Variants in FSTL1 observed in about 807,000 individuals in gnomAD.
FSTL1 encodes follistatin like 1, also known as follistatin-related protein 1.
A neutral mutation model predicts 45.9 loss-of-function variants in FSTL1; 24 were observed. The observed-to-expected ratio is 0.52, with a 90% CI of 0.38 to 0.74. The LOEUF (loss-of-function observed/expected upper bound fraction) is 0.74. Ranked by LOEUF, FSTL1 falls within the 30% of genes least tolerant of loss-of-function variation. FSTL1 has a pLI of 0.00. For missense variants in FSTL1, 340 were observed against 381.8 expected, an observed-to-expected ratio of 0.89 and a Z score of 0.91; for synonymous variants, 120 against 137.6, an observed-to-expected ratio of 0.87 and a Z score of 0.89.
rs150137558 is a variant in FSTL1 at position 120,394,569 on chromosome 3, A to G, written c.*2383T>C. 5 of 152,356 alleles carry G rather than the reference A, an allele frequency of 3.3e-5. No homozygotes were observed. The highest frequency in any genetic ancestry group is 1.2e-4 in the African/African-American group (5 of 41,586). 9.4% of individuals were successfully genotyped at this position (152,356 alleles called of 1,614,324 possible). A position where few individuals can be genotyped will look rare whatever the true frequency, so the allele number is the denominator to read the frequency against. Reference sequence around the variant, plus strand: ...GGCATGTGGGAATGTTTCCATGGACACTGGATCTTAACAGATGCTATAGTG... The same window carrying G: ...GGCATGTGGGAATGTTTCCATGGACGCTGGATCTTAACAGATGCTATAGTG... On this transcript the variant is annotated 3_prime_UTR_variant, in exon 11 of 11. Transcript: ENST00000295633.
At chr3:120,449,344 T>C (rs1431257252) in intron 2 of FSTL1, among the ~76,000 whole-genome samples, 1 of 152,172 alleles carries the variant, frequency 6.6e-6, no homozygotes, top group East Asian at 1.9e-4. Flanking sequence ...TAAACAAAAA[T>C]GTACTTGGTA....
At chr3:120,430,425 A>C (rs1360505047) in intron 2 of FSTL1, among the ~76,000 whole-genome samples, 1 of 152,180 alleles carries the variant, frequency 6.6e-6, no homozygotes, top group Non-Finnish European at 1.5e-5. Context: ...GGAACTTCTC[A>C]AGATTTCTGG....
intron 2 of FSTL1, among the ~76,000 whole-genome samples, chr3:120,422,933 G>C (rs1215430411): frequency 6.6e-6 from 1 of 152,214 alleles, no homozygotes; most frequent in East Asian, 1.9e-4. Context: ...GATTGCAAGT[G>C]ATCCACCTGC....
chr3:120,399,172 C>A (rs1469361533), intron 10 of FSTL1, among the ~76,000 whole-genome samples: 3 of 152,112 alleles, frequency 2.0e-5, no homozygotes, highest in Non-Finnish European at 4.4e-5. Context: ...ATGGAAGGTG[C>A]AATATCCTGT....
At position 120,403,332 on chromosome 3, in the gene FSTL1, T is replaced by C; in HGVS notation, c.604A>G (p.Ile202Val). Residue 202 changes from isoleucine to valine, a missense_variant, in exon 8 of 11, where the codon ATT (isoleucine) becomes GTT (valine). By Grantham distance (29) the Ile-to-Val change is conservative. Transcript: ENST00000295633. Reference protein sequence around the residue: ...LLRGLCVDALIELSDENADWK... With the variant: ...LLRGLCVDALVELSDENADWK... ...TCAGCATTTTCATCAGACAGTTCAA[T>C]GAGAGCATCAACACAGAGTCCCCTG... The C allele has an allele frequency of 2.5e-6, 4 of 1,608,376 alleles. No individual in the cohort carries two copies. Among genetic ancestry groups the C allele is most frequent in the Non-Finnish European group, 3.4e-6 (4 of 1,174,724 alleles).
At chr3:120,435,435 C>T (rs1008842781) in intron 2 of FSTL1, among the ~76,000 whole-genome samples, 10 of 152,256 alleles carry the variant, frequency 6.6e-5, no homozygotes, top group African/African-American at 2.4e-4. Flanking sequence ...TTTCCTCCTC[C>T]TTATTTGTTC....
intron 3 of FSTL1, among the ~76,000 whole-genome samples, chr3:120,415,636 G>GA (rs1352043340): frequency 6.6e-6 from 1 of 152,138 alleles, no homozygotes; most frequent in African/African-American, 2.4e-5. Context: ...GGTTATGGGG[G>GA]AAGATTATAA....
rs567760375 is a variant in FSTL1 at position 120,400,035 on chromosome 3, G to A, written c.806-76C>T. Reference sequence around the variant, plus strand: ...AGGAATCCGCCAAGATCTACCTAGAGGCTCTCAATTCATCTCCCATTTAAC... The same window carrying A: ...AGGAATCCGCCAAGATCTACCTAGAAGCTCTCAATTCATCTCCCATTTAAC... On this transcript the variant is annotated intron_variant, in intron 9 of 10. Transcript: ENST00000295633. 12 of 928,056 alleles carry A rather than the reference G, an allele frequency of 1.3e-5. 1 individual carries two copies. The highest frequency in any genetic ancestry group is 9.8e-5 in the South Asian group (7 of 71,464). 57.5% of individuals were successfully genotyped at this position (928,056 alleles called of 1,614,324 possible). A position where few individuals can be genotyped will look rare whatever the true frequency, so the allele number is the denominator to read the frequency against.
rs1937873777 is a variant in FSTL1 at position 120,450,663 on chromosome 3, AC to A, written c.63+20del. On this transcript the variant is annotated intron_variant, in intron 2 of 10. Coordinates refer to ENST00000295633, the MANE Select transcript of FSTL1 (RefSeq NM_007085.5). ...AAGAGGCCCCGGGGACCGAGTTCGGACTCCTCGGCCCCTCGCCTACCTCGGC... is the reference window on the plus strand; with the variant it reads ...AAGAGGCCCCGGGGACCGAGTTCGGATCCTCGGCCCCTCGCCTACCTCGGC... The A allele has an allele frequency of 7.1e-7, 1 of 1,405,336 alleles. No homozygotes were observed. The highest frequency in any genetic ancestry group is 2.2e-5 in the Admixed American group (1 of 44,450). The allele number at this position is 1,405,336 out of a possible 1,614,324, so 87.1% of individuals were successfully genotyped here. A position where few individuals can be genotyped will look rare whatever the true frequency, so the allele number is the denominator to read the frequency against.
rs2107646978 is a variant in FSTL1 at position 120,396,209 on chromosome 3, A to C, written c.*743T>G. 1 of 151,406 alleles carries C rather than the reference A, an allele frequency of 6.6e-6. No individual in the cohort carries two copies. Among genetic ancestry groups the C allele is most frequent in the Middle Eastern group, 3.4e-3 (1 of 294 alleles). The allele number at this position is 151,406 out of a possible 1,614,324, so 9.4% of individuals were successfully genotyped here. Reference sequence around the variant, plus strand: ...AAATAATTACAAAAGCTTAATACCTAGTCAAGAAAATAAAATATTAAAAAA... The same window carrying C: ...AAATAATTACAAAAGCTTAATACCTCGTCAAGAAAATAAAATATTAAAAAA... On this transcript the variant is annotated 3_prime_UTR_variant, in exon 11 of 11. Coordinates refer to ENST00000295633, the MANE Select transcript of FSTL1 (RefSeq NM_007085.5).
intron 7 of FSTL1, among the ~76,000 whole-genome samples, chr3:120,403,920 C>CAAAAAAAAAAAAAAAAAAAA (rs34145564): frequency 9.6e-5 from 5 of 52,146 alleles, no homozygotes; most frequent in Non-Finnish European, 9.7e-5. Context: ...GACTCCGTCT[C>CAAAAAAAAAAAAAAAAAAAA]AAAAAAAAAA....
At chr3:120,420,078 T>TA (rs1275954756) in intron 2 of FSTL1, among the ~76,000 whole-genome samples, 1 of 152,120 alleles carries the variant, frequency 6.6e-6, no homozygotes, top group Non-Finnish European at 1.5e-5. Flanking sequence ...CCTCTTGGGG[T>TA]ACAATCAAGG....
chr3:120,411,874 T>C lies in FSTL1; in HGVS notation c.278A>G (p.Asp93Gly). Residue 93 changes from aspartate to glycine, a missense_variant, in exon 4 of 11, where the codon GAT becomes GGT. Transcript: ENST00000295633. ...CTTACCTTTGCAGTGTCCATCGTAA[T>C]CAACCTGGATTTTGGATCCAGTGAG... Reference protein sequence around the residue: ...ACLTGSKIQVDYDGHCKEKKS... With the variant: ...ACLTGSKIQVGYDGHCKEKKS... 1.2e-6 allele frequency: 2 copies of C among 1,614,142 alleles called. No individual in the cohort carries two copies. Among genetic ancestry groups the C allele is most frequent in the South Asian group, 1.1e-5 (1 of 91,090 alleles).
rs1936680804 is a variant in FSTL1 at position 120,395,587 on chromosome 3, C to T, written c.*1365G>A. ...ATGAGGACTCCATATCATAGCACGA[C>T]CTGTAGGGTCATCAGGCTGAGATCA... On this transcript the variant is annotated 3_prime_UTR_variant, in exon 11 of 11. Coordinates refer to ENST00000295633, the MANE Select transcript of FSTL1 (RefSeq NM_007085.5). 1 of 503,068 alleles carries T rather than the reference C, an allele frequency of 2.0e-6. No individual in the cohort carries two copies. Among genetic ancestry groups the T allele is most frequent in the Non-Finnish European group, 4.1e-6 (1 of 242,620 alleles). 31.2% of individuals were successfully genotyped at this position (503,068 alleles called of 1,614,324 possible). A position where few individuals can be genotyped will look rare whatever the true frequency, so the allele number is the denominator to read the frequency against.
At chr3:120,422,113 A>G (rs1281792062) in intron 2 of FSTL1, among the ~76,000 whole-genome samples, 2 of 152,206 alleles carry the variant, frequency 1.3e-5, no homozygotes, top group African/African-American at 4.8e-5. Flanking sequence ...GTAGACTCTA[A>G]GAGCCTTGCA....
At chr3:120,423,573 A>G (rs1937320901) in intron 2 of FSTL1, 1 of 152,106 alleles carries the variant, frequency 6.6e-6, no homozygotes, top group African/African-American at 2.4e-5. Flanking sequence ...GACTGAGGTA[A>G]GAGTCAGACC....
At position 120,434,302 on chromosome 3, in the gene FSTL1, C is replaced by T. The variant is rs149064906; in HGVS notation, c.63+16382G>A. 6.8e-4 allele frequency among the ~76,000 whole-genome samples: 104 copies of T among 152,246 alleles called. No individual in the cohort carries two copies. In the East Asian group the frequency reaches 0.02, roughly 29 times the overall value. ...GTACATAAGTTGATATCCAAAAGCC[C>T]AGCCAGTTCTGGGTAGGTGTGCACA... On this transcript the variant is annotated intron_variant, in intron 2 of 10. Coordinates refer to ENST00000295633, the MANE Select transcript of FSTL1 (RefSeq NM_007085.5).
Position 120,450,965 on chromosome 3 carries a change from G to GA in FSTL1, c.-70dup. The GA allele has an allele frequency of 2.2e-6, 1 of 461,422 alleles. No homozygotes were observed. The highest frequency in any genetic ancestry group is 3.8e-6 in the Non-Finnish European group (1 of 261,638). The allele number at this position is 461,422 out of a possible 1,614,324, so 28.6% of individuals were successfully genotyped here. On this transcript the variant is annotated 5_prime_UTR_variant, in exon 1 of 11. Coordinates refer to ENST00000295633, the MANE Select transcript of FSTL1 (RefSeq NM_007085.5). The stretch of plus-strand genomic sequence containing the variant: ...GGCAGCGAGCTGTAAGCGGAGGTGG[G>GA]AGCTCCGCCGATCGCCAGCCTCGGA...
chr3:120,402,114 C>G (rs1301405571), intron 9 of FSTL1, among the ~76,000 whole-genome samples: 1 of 152,174 alleles, frequency 6.6e-6, no homozygotes, highest in African/African-American at 2.4e-5. Context: ...CTCACACTGC[C>G]CCACAAACTC....
Sources: allele counts gnomAD v4.1 joint callset (sites outside exome capture counted in the v4.1 genomes callset), GRCh38; gene constraint gnomAD v4.1.1; transcripts MANE v1.5; gene names NCBI Gene and HGNC (gene_info 2026-07-23, HGNC 2026-07-21).